Variants in HIBCH observed in about 807,000 individuals in gnomAD.
HIBCH encodes 3-hydroxyisobutyryl-CoA hydrolase, mitochondrial.
In HIBCH, 50 loss-of-function variants were observed where a neutral mutation model predicts 58.2. That is an observed-to-expected ratio of 0.86 (90% CI 0.68 to 1.09). The LOEUF (loss-of-function observed/expected upper bound fraction) is 1.09. Ranked by LOEUF, HIBCH falls within the 50% of genes least tolerant of loss-of-function variation. The pLI is 0.00. For missense variants in HIBCH, 450 were observed against 449.7 expected (o/e 1.00, Z -0.01); for synonymous variants, 151 against 146.9 (o/e 1.03, Z -0.20).
chr2:190,222,213 C>G (rs1389933653), intron 11 of HIBCH, among the ~76,000 whole-genome samples: 1 of 152,162 alleles, frequency 6.6e-6, no homozygotes, highest in African/African-American at 2.4e-5. Flanking sequence ...TGCACTCACT[C>G]ACTTGTGTTC....
rs1243169092 is a variant in HIBCH, at chr2:190,315,770, A to ACTT, written c.35+3945_35+3946insAAG. ...GGGAGTGATATTATTAAGAGTTTTT[A>ACTT]TAAAGTAAAAACTCAATGGAAAGGA... On this transcript the variant is annotated intron_variant, in intron 1 of 13. Transcript: ENST00000359678. The surrounding 1 kb of genome is among the most constrained non-coding windows in gnomAD (Gnocchi z 5.4). Among the ~76,000 whole-genome samples, 1 of 152,230 alleles carries ACTT rather than the reference A, an allele frequency of 6.6e-6. No homozygotes were observed. Among genetic ancestry groups the ACTT allele is most frequent in the Non-Finnish European group, 1.5e-5 (1 of 68,038 alleles).
At chr2:190,225,949 T>G (rs971252063) in intron 11 of HIBCH, among the ~76,000 whole-genome samples, 10 of 152,228 alleles carry the variant, frequency 6.6e-5, no homozygotes, top group Non-Finnish European at 1.3e-4. Context: ...ATCCCTGGGA[T>G]GCAAGGCTGG....
chr2:190,304,624 C>T lies in HIBCH; in HGVS notation c.78+6130G>A, dbSNP rs1277274555. ...ATTCAAACCACGAAACCAATATTCT[C>T]AGTTTTGATAAGTGTACCATAGTAA... On this transcript the variant is annotated intron_variant, in intron 2 of 13. Transcript: ENST00000359678. This position sits in a 1 kb window ranked among gnomAD's most constrained non-coding sequence, Gnocchi z 4.1. 6.6e-6 allele frequency among the ~76,000 whole-genome samples: 1 copy of T among 152,070 alleles called. No homozygotes were observed. Among genetic ancestry groups the T allele is most frequent in the African/African-American group, 2.4e-5 (1 of 41,432 alleles).
intron 10 of HIBCH, chr2:190,245,375 A>C (rs1348405393): frequency 1.2e-5 from 2 of 170,712 alleles, no homozygotes; most frequent in African/African-American, 2.4e-5. Context: ...TAAGACCTTC[A>C]GAGAAGATGA....
chr2:190,299,861 CTT>C (rs768715955), intron 2 of HIBCH, among the ~76,000 whole-genome samples: 24 of 152,190 alleles, frequency 1.6e-4, no homozygotes, highest in African/African-American at 5.3e-4. Context: ...TTGTTTTCCT[CTT>C]TGTGTCCATG....
intron 3 of HIBCH, among the ~76,000 whole-genome samples, chr2:190,295,908 T>C (rs1041905489): frequency 2.0e-5 from 3 of 152,238 alleles, no homozygotes; most frequent in African/African-American, 7.2e-5. Flanking sequence ...TAGGTACTTA[T>C]ATATACTATT....
intron 1 of HIBCH, among the ~76,000 whole-genome samples, chr2:190,198,740 C>T (rs532729563): frequency 4.7e-5 from 7 of 150,054 alleles, no homozygotes; most frequent in Non-Finnish European, 8.9e-5. Flanking sequence ...CCATTAATCT[C>T]ATTCATAGAG....
chr2:190,275,209 G>A (rs533893388), intron 6 of HIBCH, among the ~76,000 whole-genome samples: 1 of 152,260 alleles, frequency 6.6e-6, no homozygotes, highest in East Asian at 1.9e-4. Context: ...AGACTAGGAG[G>A]GAGAGAGAGG....
At position 190,258,384 on chromosome 2, in the gene HIBCH, C is replaced by T. The variant is rs143680753; in HGVS notation, c.517+2772G>A. Among the ~76,000 whole-genome samples the T allele has an allele frequency of 1.3e-4, 20 of 152,198 alleles. No individual in the cohort carries two copies. In the South Asian group the frequency reaches 1.7e-3, roughly 13 times the overall value. The stretch of plus-strand genomic sequence containing the variant: ...GTGAGAATGGACTAATACAGCAAAC[C>T]GGTACCAGAGAAGTAGGGCATTGCT... On this transcript the variant is annotated intron_variant, in intron 7 of 13. Transcript: ENST00000359678.
At position 190,234,601 on chromosome 2, in the gene HIBCH, G is replaced by A. The variant is rs145424743; in HGVS notation, c.891+10286C>T. On this transcript the variant is annotated intron_variant, in intron 11 of 13. Transcript: ENST00000359678. ...TCAAACAATCACACCTGTAATCCCA[G>A]CACTTTGGGAGGCCAAGGCGGGTGG... Among the ~76,000 whole-genome samples, 20 of 152,266 alleles carry A rather than the reference G, an allele frequency of 1.3e-4. No homozygotes were observed. The East Asian group carries it at 3.7e-3, about 28-fold the overall frequency.
chr2:190,247,924 T>C (rs1686655310), intron 9 of HIBCH, among the ~76,000 whole-genome samples: 1 of 152,208 alleles, frequency 6.6e-6, no homozygotes, highest in Non-Finnish European at 1.5e-5. Flanking sequence ...TAGACTACAG[T>C]ATAGTGTAAA....
intron 6 of HIBCH, among the ~76,000 whole-genome samples, chr2:190,283,278 T>C (rs573090235): frequency 6.6e-6 from 1 of 152,194 alleles, no homozygotes; most frequent in African/African-American, 2.4e-5. Flanking sequence ...TCATTCCAAT[T>C]TACTGCTCTG....
chr2:190,314,878 AT>A (rs1357143987), intron 1 of HIBCH, among the ~76,000 whole-genome samples: 1 of 152,112 alleles, frequency 6.6e-6, no homozygotes, highest in East Asian at 1.9e-4. Context: ...GTAATTCTGA[AT>A]TTATGATCTT....
Position 190,217,387 on chromosome 2 carries a change from G to A in HIBCH, c.892-4312C>T, listed in dbSNP as rs540484040. Among the ~76,000 whole-genome samples the A allele has an allele frequency of 1.3e-5, 2 of 152,304 alleles. No homozygotes were observed. Among genetic ancestry groups the A allele is most frequent in the Non-Finnish European group, 2.9e-5 (2 of 68,022 alleles). On this transcript the variant is annotated intron_variant, in intron 11 of 13. Transcript: ENST00000359678. The surrounding 1 kb of genome is among the most constrained non-coding windows in gnomAD (Gnocchi z 4.6). ...TAATCCCAGCTACTTGGGAGGCTGA[G>A]GCAGGAGAATAGCTTGAACCCAGGA...
chr2:190,271,738 C>A (rs1687407585), intron 6 of HIBCH, among the ~76,000 whole-genome samples: 1 of 152,114 alleles, frequency 6.6e-6, no homozygotes, highest in African/African-American at 2.4e-5. Flanking sequence ...AGTCATTGCC[C>A]CTGCTAAAAA....
intron 13 of HIBCH, 74 bp from the exon 14 acceptor site, chr2:190,205,306 CAG>C (rs1197027023): frequency 2.3e-6 from 2 of 855,894 alleles, no homozygotes; most frequent in Admixed American, 2.0e-5. Flanking sequence ...ACTGAATTGA[CAG>C]AAATTCTTAT....
Position 190,281,341 on chromosome 2 carries a change from G to C in HIBCH, c.438+6245C>G, listed in dbSNP as rs1559050689. Among the ~76,000 whole-genome samples the C allele has an allele frequency of 6.6e-6, 1 of 152,172 alleles. No homozygotes were observed. The highest frequency in any genetic ancestry group is 2.4e-5 in the African/African-American group (1 of 41,428). On this transcript the variant is annotated intron_variant, in intron 6 of 13. Coordinates refer to ENST00000359678, the MANE Select transcript of HIBCH (RefSeq NM_014362.4). This position sits in a 1 kb window ranked among gnomAD's most constrained non-coding sequence, Gnocchi z 5.4. ...ATGGCTTATATCTTCTGGAGCTGCAGGTCAAGCTGTACCTGGGGCACTTGA... is the reference window on the plus strand; with the variant it reads ...ATGGCTTATATCTTCTGGAGCTGCACGTCAAGCTGTACCTGGGGCACTTGA...
chr2:190,290,637 T>C (rs1687936250), intron 4 of HIBCH, 152 bp from the exon 5 acceptor site: 2 of 642,742 alleles, frequency 3.1e-6, no homozygotes, highest in Non-Finnish European at 5.5e-6. Context: ...CCACAGACAT[T>C]ATATTATAGT....
At position 190,315,975 on chromosome 2, in the gene HIBCH, T is replaced by C. The variant is rs966886965; in HGVS notation, c.35+3741A>G. ...AGAGACTAGAGGTTGAAAGAAAAGT[T>C]AGAACTAAAGGTATATCTTATGCCA... On this transcript the variant is annotated intron_variant, in intron 1 of 13. Transcript: ENST00000359678. The surrounding 1 kb of genome is among the most constrained non-coding windows in gnomAD (Gnocchi z 5.4). Among the ~76,000 whole-genome samples, 11 of 152,114 alleles carry C rather than the reference T, an allele frequency of 7.2e-5. No homozygotes were observed. The highest frequency in any genetic ancestry group is 2.7e-4 in the African/African-American group (11 of 41,410).
Sources: allele counts gnomAD v4.1 joint callset (sites outside exome capture counted in the v4.1 genomes callset), GRCh38; gene constraint gnomAD v4.1.1; non-coding constraint Gnocchi (gnomAD v3.1); transcripts MANE v1.5; gene names NCBI Gene and HGNC (gene_info 2026-07-23, HGNC 2026-07-21).